Variants in MKLN1 observed in about 807,000 individuals in gnomAD.
The protein encoded by MKLN1 is muskelin 1.
Under a neutral mutation model 99.0 loss-of-function variants are expected in MKLN1, and 18 were observed. That is an observed-to-expected ratio of 0.18 (90% CI 0.13 to 0.27). The LOEUF is 0.27. MKLN1 is among the 10% of genes least tolerant of loss of function. MKLN1 has a pLI of 1.00. For synonymous variants in MKLN1, 288 were observed against 293.2 expected, an observed-to-expected ratio of 0.98 and a Z score of 0.18; for missense variants, 621 against 875.9, an observed-to-expected ratio of 0.71 and a Z score of 3.67.
Position 131,464,369 on chromosome 7 carries a change from A to G in MKLN1, c.1749A>G (p.Pro583=). 6.2e-7 allele frequency: 1 copy of G among 1,613,738 alleles called. No homozygotes were observed. The highest frequency in any genetic ancestry group is 8.5e-7 in the Non-Finnish European group (1 of 1,179,758). ...TKSLQEEEPC[P]RFAHQLVYDE... Reference sequence around the variant, plus strand: ...GTCTTCAGGAAGAAGAACCATGTCCAAGGTTTGCCCATCAGCTTGTATACG... The same window carrying G: ...GTCTTCAGGAAGAAGAACCATGTCCGAGGTTTGCCCATCAGCTTGTATACG... Residue 583 remains proline (P), a synonymous_variant, in exon 14 of 18, where the codon CCA becomes CCG. Coordinates refer to ENST00000352689, the MANE Select transcript of MKLN1 (RefSeq NM_013255.5).
At chr7:131,465,846 T>G (rs1323233628) in intron 14 of MKLN1, among the ~76,000 whole-genome samples, 1 of 152,188 alleles carries the variant, frequency 6.6e-6, no homozygotes, top group Admixed American at 6.5e-5. Flanking sequence ...GCCTAAAATT[T>G]TTTTAAAGTT....
intron 3 of MKLN1, among the ~76,000 whole-genome samples, chr7:131,260,085 G>A (rs1019465718): frequency 4.6e-5 from 7 of 150,756 alleles, no homozygotes; most frequent in African/African-American, 1.2e-4. Context: ...TTACTGTGTC[G>A]CCCAGGCTGG....
intron 3 of MKLN1, among the ~76,000 whole-genome samples, chr7:131,293,388 G>C (rs528662978): frequency 3.9e-5 from 6 of 152,308 alleles, no homozygotes; most frequent in African/African-American, 1.4e-4. Flanking sequence ...TGCAGTAATA[G>C]CTAATGGTTA....
In MKLN1 at chr7:131,493,607, G is replaced by A. The variant is rs1257620004; in HGVS notation, c.*5879G>A. 1 of 152,180 alleles carries A rather than the reference G, an allele frequency of 6.6e-6. No individual in the cohort carries two copies. Among genetic ancestry groups the A allele is most frequent in the African/African-American group, 2.4e-5 (1 of 41,454 alleles). 9.4% of individuals were successfully genotyped at this position (152,180 alleles called of 1,614,324 possible). A position where few individuals can be genotyped will look rare whatever the true frequency, so the allele number is the denominator to read the frequency against. On this transcript the variant is annotated 3_prime_UTR_variant, in exon 18 of 18. Transcript: ENST00000352689. Reference sequence around the variant, plus strand: ...GAGATCTTAAAACAGAAAATCCAGTGTTAATGGGCTCTAGATCTTAAACTA... The same window carrying A: ...GAGATCTTAAAACAGAAAATCCAGTATTAATGGGCTCTAGATCTTAAACTA...
At chr7:131,273,155 C>T (rs113064702) in intron 3 of MKLN1, among the ~76,000 whole-genome samples, 2 of 152,182 alleles carry the variant, frequency 1.3e-5, no homozygotes, top group Admixed American at 6.5e-5. Flanking sequence ...CTAGAAGGCT[C>T]ATCCCTGGTG....
chr7:131,207,410 C>A (rs959299131), intron 3 of MKLN1, among the ~76,000 whole-genome samples: 5 of 152,070 alleles, frequency 3.3e-5, no homozygotes, highest in Admixed American at 1.3e-4. Flanking sequence ...GTTGGCCAGG[C>A]TGGTCTGGAA....
At chr7:131,380,291 C>G (rs1468961659) in intron 2 of MKLN1, among the ~76,000 whole-genome samples, 1 of 151,996 alleles carries the variant, frequency 6.6e-6, no homozygotes, top group African/African-American at 2.4e-5. Flanking sequence ...TATTTGGTGT[C>G]TATCAAAATA....
intron 3 of MKLN1, among the ~76,000 whole-genome samples, chr7:131,232,713 C>T (rs961441077): frequency 2.0e-5 from 3 of 152,094 alleles, no homozygotes; most frequent in African/African-American, 7.2e-5. Context: ...AGTACATACA[C>T]GAGTTTACCA....
At chr7:131,245,713 T>C (rs1030611125) in intron 3 of MKLN1, among the ~76,000 whole-genome samples, 1 of 152,236 alleles carries the variant, frequency 6.6e-6, no homozygotes, top group Admixed American at 6.5e-5. Flanking sequence ...AGCAATAGGC[T>C]ATGCCATGTA....
In MKLN1 at chr7:131,388,892, A is replaced by G. The variant is rs1258527605; in HGVS notation, c.320A>G (p.Lys107Arg). Reference sequence around the variant, plus strand: ...TTATTTTTTTCCCACAGTGGCTTAAAGAATGATTATAACAAAGAAACATTC... The same window carrying G: ...TTATTTTTTTCCCACAGTGGCTTAAGGAATGATTATAACAAAGAAACATTC... ...NMTELLSSGL[K>R]NDYNKETFTL... The change falls in exon 4 of 18, where the codon AAG becomes AGG. Residue 107 changes from lysine to arginine, a missense_variant. By Grantham distance (26) the Lys-to-Arg change is conservative. Around this residue, in one of 8 missense-constraint regions of MKLN1, gnomAD observed 361 missense variants for 540.8 expected, o/e 0.67. Coordinates refer to ENST00000352689, the MANE Select transcript of MKLN1 (RefSeq NM_013255.5). 4.4e-6 allele frequency: 7 copies of G among 1,607,462 alleles called. No individual in the cohort carries two copies. In the African/African-American group the frequency reaches 9.4e-5, roughly 21 times the overall value.
chr7:131,247,111 C>A (rs1797500358), intron 3 of MKLN1, among the ~76,000 whole-genome samples: 1 of 152,076 alleles, frequency 6.6e-6, no homozygotes, highest in African/African-American at 2.4e-5. Flanking sequence ...TTTGGTTAAA[C>A]AAACACTATG....
intron 1 of MKLN1, among the ~76,000 whole-genome samples, chr7:131,131,199 A>AAATAAATG (rs1795546689): frequency 1.3e-5 from 2 of 148,794 alleles, no homozygotes; most frequent in Non-Finnish European, 3.0e-5. Flanking sequence ...CTACTTAAAT[A>AAATAAATG]AATAAATAAA....
At chr7:131,154,408 G>T (rs1055718384) in intron 2 of MKLN1, among the ~76,000 whole-genome samples, 1 of 152,138 alleles carries the variant, frequency 6.6e-6, no homozygotes, top group African/African-American at 2.4e-5. Flanking sequence ...ATCTTACTAT[G>T]CCTGCTGTCC....
intron 1 of MKLN1, among the ~76,000 whole-genome samples, chr7:131,133,830 T>G (rs868065274): frequency 0.14 from 17,097 of 118,042 alleles, 2,780 homozygotes; most frequent in East Asian, 0.38. Flanking sequence ...GTTTTTTTTT[T>G]TTTTTTTTTT....
chr7:131,389,597 T>G (rs997668684), intron 4 of MKLN1, among the ~76,000 whole-genome samples: 5 of 150,490 alleles, frequency 3.3e-5, no homozygotes, highest in Non-Finnish European at 4.4e-5. Context: ...TAAGAAAGTA[T>G]TTATAATGCA....
intron 2 of MKLN1, among the ~76,000 whole-genome samples, chr7:131,162,715 C>T (rs917474941): frequency 3.9e-5 from 6 of 152,090 alleles, no homozygotes; most frequent in African/African-American, 9.7e-5. Flanking sequence ...CCAAGCATTT[C>T]GAATAAGAGA....
intron 3 of MKLN1, among the ~76,000 whole-genome samples, chr7:131,219,599 G>GA (rs546048217): frequency 1.2e-4 from 18 of 144,708 alleles, no homozygotes; most frequent in Admixed American, 1.4e-4. Flanking sequence ...ACTTTGTAAG[G>GA]AAAAAAAAAA....
chr7:131,425,968 T>G (rs552243661), intron 8 of MKLN1, among the ~76,000 whole-genome samples: 1 of 152,202 alleles, frequency 6.6e-6, no homozygotes, highest in African/African-American at 2.4e-5. Flanking sequence ...ATGAATTAAT[T>G]AAAATTTTTG....
intron 3 of MKLN1, among the ~76,000 whole-genome samples, chr7:131,275,550 TA>T (rs1563275585): frequency 9.3e-4 from 20 of 21,532 alleles, no homozygotes; most frequent in African/African-American, 4.1e-3. Flanking sequence ...TATATATATA[TA>T]TATATATATA....
Sources: allele counts gnomAD v4.1 joint callset (sites outside exome capture counted in the v4.1 genomes callset), GRCh38; gene constraint gnomAD v4.1.1; regional missense constraint gnomAD v4.1.1; transcripts MANE v1.5; gene names NCBI Gene and HGNC (gene_info 2026-07-23, HGNC 2026-07-21).